SVIL: variants seen among roughly 807,000 people sequenced by gnomAD.
SVIL encodes archvillin.
Under a neutral mutation model 240.4 loss-of-function variants are expected in SVIL, and 101 were observed. The observed-to-expected ratio is 0.42, with a 90% CI of 0.36 to 0.50. The LOEUF (loss-of-function observed/expected upper bound fraction) is 0.50. SVIL is among the 20% of genes least tolerant of loss of function. The probability of loss-of-function intolerance (pLI) is 0.01; values close to 1 mark genes in which losing one functional copy is unlikely to be tolerated. For synonymous variants in SVIL, 999 were observed against 1,100.0 expected, an observed-to-expected ratio of 0.91 and a Z score of 1.82; for missense variants, 2,512 against 2,818.7, an observed-to-expected ratio of 0.89 and a Z score of 2.46.
chr10:29,728,144 C>T (rs1344751886), intron 1 of SVIL, among the ~76,000 whole-genome samples: 1 of 152,116 alleles, frequency 6.6e-6, no homozygotes, highest in African/African-American at 2.4e-5. Flanking sequence ...CTTACACCCA[C>T]CCTGGACTGG....
chr10:29,678,244 T>A (rs540933515), intron 2 of SVIL, among the ~76,000 whole-genome samples: 2 of 151,868 alleles, frequency 1.3e-5, no homozygotes, highest in Admixed American at 6.6e-5. Context: ...TAATGTAGAA[T>A]CAGTGGAAGC....
At chr10:29,681,626 G>A (rs1960661048) in intron 2 of SVIL, among the ~76,000 whole-genome samples, 1 of 152,124 alleles carries the variant, frequency 6.6e-6, no homozygotes, top group Non-Finnish European at 1.5e-5. Flanking sequence ...TAGAAGTTGT[G>A]CAAAAGTGTG....
chr10:29,665,886 T>A (rs933041996), intron 2 of SVIL, among the ~76,000 whole-genome samples: 16 of 152,184 alleles, frequency 1.1e-4, no homozygotes, highest in Admixed American at 5.2e-4. Context: ...GGGCTCCAGT[T>A]CACTCTTCAT....
chr10:29,498,568 A>G (rs1948636560), intron 18 of SVIL, among the ~76,000 whole-genome samples: 1 of 152,248 alleles, frequency 6.6e-6, no homozygotes, highest in South Asian at 2.1e-4. Context: ...ACCTTCAAAT[A>G]CTTCCAAGAA....
At chr10:29,539,165 TAATAAATAAATAAATA>T (rs71020796) in intron 6 of SVIL, among the ~76,000 whole-genome samples, 5 of 149,086 alleles carry the variant, frequency 3.4e-5, no homozygotes, top group Admixed American at 6.7e-5. Flanking sequence ...ACTCGGCCTC[TAATAAATAAATAAATA>T]AATAAATAAA....
chr10:29,555,339 CACACAT>C lies in SVIL; in HGVS notation c.-50-237_-50-232del, dbSNP rs760552176. Among the ~76,000 whole-genome samples the C allele has an allele frequency of 0.18, 25,537 of 145,540 alleles. 2,420 individuals are homozygous for C. The highest frequency in any genetic ancestry group is 0.26 in the Admixed American group (3,854 of 14,690). On this transcript the variant is annotated intron_variant, in intron 3 of 37. Coordinates refer to ENST00000355867, the MANE Select transcript of SVIL (RefSeq NM_021738.3). ...ACACACACACACACACACACACACACACACATGGACACACCCTAGGACGCATCATCC... is the reference window on the plus strand; with the variant it reads ...ACACACACACACACACACACACACACGGACACACCCTAGGACGCATCATCC...
At chr10:29,650,248 T>C (rs1958794475) in intron 3 of SVIL, among the ~76,000 whole-genome samples, 1 of 152,182 alleles carries the variant, frequency 6.6e-6, no homozygotes, top group Non-Finnish European at 1.5e-5. Context: ...GGGTTGTTAC[T>C]TGAAGGAACA....
intron 22 of SVIL, among the ~76,000 whole-genome samples, chr10:29,490,585 TAAAA>T (rs57898945): frequency 3.9e-5 from 3 of 76,250 alleles, no homozygotes; most frequent in Non-Finnish European, 7.0e-5. Flanking sequence ...CCCCAGTCTT[TAAAA>T]AAAAAAAAAA....
chr10:29,732,510 T>C (rs1158008494), intron 1 of SVIL, among the ~76,000 whole-genome samples: 3 of 152,244 alleles, frequency 2.0e-5, no homozygotes, highest in African/African-American at 7.2e-5. Flanking sequence ...ATGAAATAGC[T>C]ATACTGGTTG....
chr10:29,729,498 T>G (rs1478093887), intron 1 of SVIL, among the ~76,000 whole-genome samples: 4 of 111,540 alleles, frequency 3.6e-5, no homozygotes, highest in Non-Finnish European at 7.8e-5. Flanking sequence ...TGTGTGTGTA[T>G]GTATGTGGTG....
At chr10:29,587,650 C>T (rs1036813483) in intron 1 of SVIL, among the ~76,000 whole-genome samples, 15 of 152,340 alleles carry the variant, frequency 9.8e-5, no homozygotes, top group African/African-American at 2.4e-4. Flanking sequence ...TACATGGAAA[C>T]GTCTCCTCTT....
rs554196629 is a variant in SVIL, at chr10:29,568,044, A to G, written c.-143+1211T>C. Among the ~76,000 whole-genome samples, 133 of 151,952 alleles carry G rather than the reference A, an allele frequency of 8.8e-4. 1 individual carries two copies. Among genetic ancestry groups the G allele is most frequent in the African/African-American group, 3.1e-3 (130 of 41,468 alleles). ...AAAAAAAAACAAAAAAAAAAACAAA[A>G]ACAGAAAGAAACCAAGCCTCAGATC... On this transcript the variant is annotated intron_variant, in intron 2 of 37. Coordinates refer to ENST00000355867, the MANE Select transcript of SVIL (RefSeq NM_021738.3).
At chr10:29,578,896 C>T (rs10826662) in intron 1 of SVIL, among the ~76,000 whole-genome samples, 83,100 of 152,032 alleles carry the variant, frequency 0.55, 23,365 homozygotes, top group African/African-American at 0.69. Context: ...TTTCCTCAGC[C>T]TGAGACTATT....
chr10:29,661,488 A>T (rs1297071087), intron 2 of SVIL, among the ~76,000 whole-genome samples: 1 of 152,192 alleles, frequency 6.6e-6, no homozygotes, highest in Non-Finnish European at 1.5e-5. Context: ...ATGCAGCAGG[A>T]GGAGATGCTA....
intron 2 of SVIL, among the ~76,000 whole-genome samples, chr10:29,681,406 G>GGTGTGTGTGT (rs55839039): frequency 0.028 from 3,758 of 134,910 alleles, 170 homozygotes; most frequent in African/African-American, 0.097. Context: ...AAGATGGAAT[G>GGTGTGTGTGT]GTGTGTGTGT....
intron 2 of SVIL, among the ~76,000 whole-genome samples, chr10:29,666,242 A>C (rs1959279787): frequency 6.6e-6 from 1 of 152,170 alleles, no homozygotes. Flanking sequence ...TTATGCTCTG[A>C]TGTTCCACTC....
At chr10:29,642,417 GAGAA>G (rs71020802) in intron 3 of SVIL, among the ~76,000 whole-genome samples, 9,066 of 123,442 alleles carry the variant, frequency 0.073, 390 homozygotes, top group Middle Eastern at 0.14. Context: ...GAGAGAGAGT[GAGAA>G]AGAAAGAAAG....
rs1455210150 is a variant in SVIL, at chr10:29,724,881, G to A, written c.-400+10870C>T. On this transcript the variant is annotated intron_variant, in intron 1 of 35. Coordinates refer to the SVIL transcript ENST00000375400. ...CACCAAAAATACAAAAATTAGCTGG[G>A]TGTGGTGGCACATGCCTGTAATCCC... 3.9e-5 allele frequency among the ~76,000 whole-genome samples: 6 copies of A among 152,034 alleles called. No homozygotes were observed. In the East Asian group the frequency reaches 1.2e-3, roughly 30 times the overall value.
rs1956935907 is a variant in SVIL, at chr10:29,604,378, T to A, written c.-201+30042A>T. Among the ~76,000 whole-genome samples, 6 of 143,790 alleles carry A rather than the reference T, an allele frequency of 4.2e-5. No homozygotes were observed. In the South Asian group the frequency reaches 1.4e-3, roughly 32 times the overall value. The allele number at this position is 143,790 out of a possible 152,430, so 94.3% of individuals were successfully genotyped here. On this transcript the variant is annotated intron_variant, in intron 1 of 37. Transcript: ENST00000355867. ...CCATGTCTGGCTTTTTTTTTTTTTTTTTTTTTTTTTTTTGGTATTTTTAGT... is the reference window on the plus strand; with the variant it reads ...CCATGTCTGGCTTTTTTTTTTTTTTATTTTTTTTTTTTTGGTATTTTTAGT...
Sources: allele counts gnomAD v4.1 joint callset (sites outside exome capture counted in the v4.1 genomes callset), GRCh38; gene constraint gnomAD v4.1.1; transcripts MANE v1.5; gene names NCBI Gene and HGNC (gene_info 2026-07-23, HGNC 2026-07-21).